Variants in SHOX observed in about 807,000 individuals in gnomAD.
The protein encoded by SHOX is short stature homeobox protein.
Under a neutral mutation model 29.6 loss-of-function variants are expected in SHOX, and 12 were observed. The observed-to-expected ratio is 0.41, with a 90% CI of 0.26 to 0.66. The LOEUF is 0.66. Ranked by LOEUF, SHOX falls within the 30% of genes least tolerant of loss-of-function variation. SHOX has a pLI of 0.35. For missense variants in SHOX, 499 were observed against 437.7 expected, an observed-to-expected ratio of 1.14 and a Z score of -1.25; for synonymous variants, 214 against 200.6, an observed-to-expected ratio of 1.07 and a Z score of -0.57.
rs1301379395 is a variant in SHOX at position 648,779 on chromosome X, G to A, written c.*4143G>A. Reference sequence around the variant, plus strand: ...TGATCCCTGAATGAGTGTGGGGTACGTGTATGCTAGCTGCTTCTTTCTCCC... The same window carrying A: ...TGATCCCTGAATGAGTGTGGGGTACATGTATGCTAGCTGCTTCTTTCTCCC... On this transcript the variant is annotated 3_prime_UTR_variant, in exon 5 of 5. Coordinates refer to ENST00000686671, the MANE Select transcript of SHOX (RefSeq NM_000451.4). Among the ~76,000 whole-genome samples, 2 of 152,058 alleles carry A rather than the reference G, an allele frequency of 1.3e-5. No individual in the cohort carries two copies. Among genetic ancestry groups the A allele is most frequent in the African/African-American group, 2.4e-5 (1 of 41,402 alleles).
Position 631,020 on chromosome X carries a change from C to A in SHOX, c.123C>A (p.Ser41Arg). Residue 41 changes from serine (S) to arginine (R), a missense_variant, in exon 1 of 5, where the codon AGC becomes AGA. By Grantham distance (110) the Ser-to-Arg change is moderately radical. Coordinates refer to ENST00000686671, the MANE Select transcript of SHOX (RefSeq NM_000451.4). ...DSITYREVLE[S>R]GLARSRELGT... is the part of the protein sequence containing the mutation. ...TTACGTACCGGGAAGTTTTGGAGAG[C>A]GGACTGGCGCGCTCCCGGGAGCTGG... 1 of 1,613,784 alleles carries A rather than the reference C, an allele frequency of 6.2e-7. No individual in the cohort carries two copies. Among genetic ancestry groups the A allele is most frequent in the Non-Finnish European group, 8.5e-7 (1 of 1,179,838 alleles).
intron 2 of SHOX, among the ~76,000 whole-genome samples, chrX:638,895 G>A (rs1242195972): frequency 6.6e-6 from 1 of 152,224 alleles, no homozygotes; most frequent in African/African-American, 2.4e-5. Context: ...CTCTTGGGTG[G>A]TGACTGCCTT....
intron 1 of SHOX, among the ~76,000 whole-genome samples, chrX:625,450 T>C (rs2052505874): frequency 6.6e-6 from 1 of 152,012 alleles, no homozygotes; most frequent in South Asian, 2.1e-4. Flanking sequence ...GGTGTGCTGC[T>C]CTCTTCTCTC....
Position 651,471 on chromosome X carries a change from C to G in SHOX, c.*6835C>G, listed in dbSNP as rs1296215187. On this transcript the variant is annotated 3_prime_UTR_variant, in exon 5 of 5. Coordinates refer to ENST00000686671, the MANE Select transcript of SHOX (RefSeq NM_000451.4). ...TCTGGTGACGCCCTCATTCTCCTAA[C>G]GTTCAATAATCTCAATGTTGAGTTG... 2.2e-6 allele frequency: 1 copy of G among 445,342 alleles called. No individual in the cohort carries two copies. The highest frequency in any genetic ancestry group is 7.0e-5 in the East Asian group (1 of 14,312). 27.6% of individuals were successfully genotyped at this position (445,342 alleles called of 1,614,324 possible). A position where few individuals can be genotyped will look rare whatever the true frequency, so the allele number is the denominator to read the frequency against.
rs995171166 is a variant in SHOX at position 649,847 on chromosome X, C to CA, written c.*5217dup. ...AGGGTTGTCAGTCGCCGCAGTTGAG[C>CA]AAAAAACACTTCTTCCTTTGAGTGG... On this transcript the variant is annotated 3_prime_UTR_variant, in exon 5 of 5. Transcript: ENST00000686671. 1 of 453,198 alleles carries CA rather than the reference C, an allele frequency of 2.2e-6. No homozygotes were observed. Among genetic ancestry groups the CA allele is most frequent in the Non-Finnish European group, 4.4e-6 (1 of 225,402 alleles). 28.1% of individuals were successfully genotyped at this position (453,198 alleles called of 1,614,324 possible). A position where few individuals can be genotyped will look rare whatever the true frequency, so the allele number is the denominator to read the frequency against.
Position 631,171 on chromosome X carries a change from G to A in SHOX, c.274G>A (p.Glu92Lys). Residue 92 changes from glutamate to lysine, a missense_variant, in exon 1 of 5, where the codon GAA becomes AAA. Physicochemically the swap from Glu to Lys is moderately conservative, Grantham distance 56. Transcript: ENST00000686671. ...AGAATTCGGCACCGCGAGAGTGGCA[G>A]AAGGTAAGTTCCTTTGCGCTCCGGC... ...LKEFGTARVA[E>K]GIYECKEKRE... 1 of 1,612,676 alleles carries A rather than the reference G, an allele frequency of 6.2e-7. No individual in the cohort carries two copies. The highest frequency in any genetic ancestry group is 8.5e-7 in the Non-Finnish European group (1 of 1,179,698).
chrX:628,333 TTC>T (rs2052579560), upstream of SHOX, among the ~76,000 whole-genome samples: 1 of 136,498 alleles, frequency 7.3e-6, no homozygotes, highest in South Asian at 2.5e-4. Context: ...GTCTCTCTCT[TTC>T]TCTCTCTCCA....
At position 631,189 on chromosome X, in the gene SHOX, G is replaced by A. The variant is rs763304906; in HGVS notation, c.277+15G>A. On this transcript the variant is annotated intron_variant, in intron 1 of 4. Transcript: ENST00000686671. ...AGTGGCAGAAGGTAAGTTCCTTTGC[G>A]CTCCGGCTCCAGGGGGGCCCTCCTG... 1 of 1,612,148 alleles carries A rather than the reference G, an allele frequency of 6.2e-7. No individual in the cohort carries two copies. Among genetic ancestry groups the A allele is most frequent in the African/African-American group, 1.3e-5 (1 of 74,918 alleles).
Position 643,031 on chromosome X carries a change from C to G in SHOX, c.634-1360C>G, listed in dbSNP as rs191865147. 3.9e-3 allele frequency among the ~76,000 whole-genome samples: 494 copies of G among 128,106 alleles called. 18 individuals are homozygous for G. The East Asian group carries it at 0.091, about 24-fold the overall frequency. The allele number at this position is 128,106 out of a possible 152,430, so 84.0% of individuals were successfully genotyped here. A position where few individuals can be genotyped will look rare whatever the true frequency, so the allele number is the denominator to read the frequency against. The stretch of plus-strand genomic sequence containing the variant: ...CTGGTGTCTCTGGAAGAGGCTTGGA[C>G]ACCTGGTGACCCGGGAGGGCCTTGG... On this transcript the variant is annotated intron_variant, in intron 4 of 4. Transcript: ENST00000686671.
intron 1 of SHOX, among the ~76,000 whole-genome samples, chrX:625,752 GTCTCTGTCTGTA>G (rs2052518429): frequency 8.2e-6 from 1 of 121,488 alleles, no homozygotes; most frequent in East Asian, 2.5e-4. Flanking sequence ...CTTTTTCTCT[GTCTCTGTCTGTA>G]TCTCTGTCTG....
Position 645,388 on chromosome X carries a change from G to GTTTTTTTTTTTTTTTT in SHOX, c.*753_*754insTTTTTTTTTTTTTTTT, listed in dbSNP as rs1398738646. On this transcript the variant is annotated 3_prime_UTR_variant, in exon 5 of 5. Transcript: ENST00000686671. ...TTGGGTCTGGTTTTGTTTTGGATTG[G>GTTTTTTTTTTTTTTTT]TATTTTTTTTTTTTTTTTTTTTTTT... 9 of 77,744 alleles carry GTTTTTTTTTTTTTTTT rather than the reference G, an allele frequency of 1.2e-4. 1 individual carries two copies. The highest frequency in any genetic ancestry group is 2.9e-4 in the African/African-American group (7 of 24,338). The allele number at this position is 77,744 out of a possible 1,614,324, so 4.8% of individuals were successfully genotyped here. A position where few individuals can be genotyped will look rare whatever the true frequency, so the allele number is the denominator to read the frequency against.
intron 5 of SHOX, among the ~76,000 whole-genome samples, chrX:657,830 T>G (rs1039078480): frequency 6.6e-6 from 1 of 152,140 alleles, no homozygotes; most frequent in Non-Finnish European, 1.5e-5. Flanking sequence ...GGAAGCTAAA[T>G]GGGGTATGAC....
At chrX:641,549 C>A (rs889331222) in intron 4 of SHOX, among the ~76,000 whole-genome samples, 1 of 152,020 alleles carries the variant, frequency 6.6e-6, no homozygotes, top group South Asian at 2.1e-4. Flanking sequence ...CTTAGCCGGG[C>A]GTGGTGGTGC....
chrX:654,395 C>T (rs768323657), downstream of SHOX, among the ~76,000 whole-genome samples: 26 of 152,088 alleles, frequency 1.7e-4, no homozygotes, highest in South Asian at 4.8e-3. Context: ...CTGGTGCCTT[C>T]AAGAGACTCA....
At chrX:625,850 C>G (rs1367556352), upstream of SHOX, among the ~76,000 whole-genome samples, 6 of 146,464 alleles carry the variant, frequency 4.1e-5, no homozygotes, top group African/African-American at 1.5e-4. Context: ...TTCTCTGTCT[C>G]TGTATCTCTG....
intron 2 of SHOX, among the ~76,000 whole-genome samples, chrX:637,254 A>ATTAATGAAAAGATT (rs2052775720): frequency 6.6e-6 from 1 of 152,098 alleles, no homozygotes; most frequent in African/African-American, 2.4e-5. Flanking sequence ...CCCCGTATAA[A>ATTAATGAAAAGATT]TTAATGAAAA....
chrX:655,359 A>G (rs1033172875), downstream of SHOX, among the ~76,000 whole-genome samples: 1 of 151,790 alleles, frequency 6.6e-6, no homozygotes, highest in African/African-American at 2.4e-5. Flanking sequence ...TGCCTGCCTC[A>G]GCCTCCCAAA....
Position 644,434 on chromosome X carries a change from C to A in SHOX, c.677C>A (p.Pro226Gln). The change falls in exon 5 of 5, where the codon CCG becomes CAG. Residue 226 changes from proline (P) to glutamine (Q), a missense_variant. Pro to Gln is a moderately conservative substitution (Grantham distance 76, BLOSUM62 -1). Transcript: ENST00000686671. Reference sequence around the variant, plus strand: ...CTGGAAGGCGTGGCCCACGCGCACCCGCACCTGCACCCGCACCTGGCGGCG... The same window carrying A: ...CTGGAAGGCGTGGCCCACGCGCACCAGCACCTGCACCCGCACCTGGCGGCG... ...LQLEGVAHAH[P>Q]HLHPHLAAHA... 2 of 1,521,318 alleles carry A rather than the reference C, an allele frequency of 1.3e-6. No individual in the cohort carries two copies. The highest frequency in any genetic ancestry group is 1.8e-6 in the Non-Finnish European group (2 of 1,142,036). 94.2% of individuals were successfully genotyped at this position (1,521,318 alleles called of 1,614,324 possible). A position where few individuals can be genotyped will look rare whatever the true frequency, so the allele number is the denominator to read the frequency against.
intron 1 of SHOX, among the ~76,000 whole-genome samples, chrX:631,462 G>T (rs973172474): frequency 1.3e-5 from 2 of 152,216 alleles, no homozygotes; most frequent in Admixed American, 6.5e-5. Flanking sequence ...GGGTGGATCC[G>T]GGTGGCTGTG....
Sources: allele counts gnomAD v4.1 joint callset (sites outside exome capture counted in the v4.1 genomes callset), GRCh38; gene constraint gnomAD v4.1.1; transcripts MANE v1.5; gene names NCBI Gene and HGNC (gene_info 2026-07-23, HGNC 2026-07-21).